KIRREL3: variants seen among roughly 807,000 people sequenced by gnomAD.
The protein encoded by KIRREL3 is kirre like nephrin family adhesion molecule 3, also known as kin of IRRE-like protein 3.
A neutral mutation model predicts 89.7 loss-of-function variants in KIRREL3; 36 were observed. That is an observed-to-expected ratio of 0.40 (90% CI 0.31 to 0.53). KIRREL3 has a LOEUF of 0.53. Ranked by LOEUF, KIRREL3 falls within the 20% of genes least tolerant of loss-of-function variation. The pLI, the probability that KIRREL3 is intolerant of heterozygous loss-of-function variation, is 0.49. For missense variants in KIRREL3, 864 were observed against 1,056.6 expected (o/e 0.82, Z 2.53); for synonymous variants, 445 against 441.4 (o/e 1.01, Z -0.10).
rs1365072717 is a variant in KIRREL3, at chr11:126,535,709, G to T, written c.134-9022C>A. Among the ~76,000 whole-genome samples, 1 of 152,242 alleles carries T rather than the reference G, an allele frequency of 6.6e-6. No homozygotes were observed. Among genetic ancestry groups the T allele is most frequent in the African/African-American group, 2.4e-5 (1 of 41,460 alleles). On this transcript the variant is annotated intron_variant, in intron 2 of 16. Transcript: ENST00000525144. The surrounding 1 kb of genome is among the most constrained non-coding windows in gnomAD (Gnocchi z 4.5). ...ACTTAAGATTTTGGTTGAGGGCTGGGCCCGGTGGCTCACGCCTGTAATCCC... is the reference window on the plus strand; with the variant it reads ...ACTTAAGATTTTGGTTGAGGGCTGGTCCCGGTGGCTCACGCCTGTAATCCC...
chr11:126,670,820 A>T (rs1490547319), intron 1 of KIRREL3, among the ~76,000 whole-genome samples: 4 of 152,222 alleles, frequency 2.6e-5, no homozygotes, highest in Non-Finnish European at 5.9e-5. Context: ...AGATACAACA[A>T]ACTTAATGTA....
chr11:126,711,106 C>T (rs763448774), intron 1 of KIRREL3, among the ~76,000 whole-genome samples: 2 of 152,166 alleles, frequency 1.3e-5, no homozygotes, highest in Admixed American at 6.5e-5. Context: ...TTCAGGTTAC[C>T]AACAGTGACT....
intron 7 of KIRREL3, among the ~76,000 whole-genome samples, chr11:126,453,969 C>A (rs1956261084): frequency 6.6e-6 from 1 of 152,130 alleles, no homozygotes; most frequent in South Asian, 2.1e-4. Flanking sequence ...GACCCACAGG[C>A]CACCTGTAGC....
intron 1 of KIRREL3, among the ~76,000 whole-genome samples, chr11:126,937,708 G>C (rs1410202265): frequency 3.9e-5 from 6 of 152,084 alleles, no homozygotes; most frequent in Non-Finnish European, 8.8e-5. Flanking sequence ...GACCATCCTG[G>C]CTAACACAGT....
chr11:126,916,301 G>T (rs917775818), intron 1 of KIRREL3, among the ~76,000 whole-genome samples: 2 of 152,152 alleles, frequency 1.3e-5, no homozygotes, highest in Non-Finnish European at 2.9e-5. Flanking sequence ...GTTGAGTTAG[G>T]CATATATCAG....
At chr11:126,442,274 A>AC (rs1327901645) in intron 10 of KIRREL3, among the ~76,000 whole-genome samples, 4 of 72,524 alleles carry the variant, frequency 5.5e-5, no homozygotes, top group Non-Finnish European at 9.2e-5. Flanking sequence ...AAAAAAAAAC[A>AC]AAAAAAAAAC....
At chr11:126,822,191 G>T (rs1297483614) in intron 1 of KIRREL3, among the ~76,000 whole-genome samples, 1 of 152,202 alleles carries the variant, frequency 6.6e-6, no homozygotes, top group Non-Finnish European at 1.5e-5. Flanking sequence ...CTATCTTATG[G>T]AATTGCCTAG....
In KIRREL3 at chr11:126,564,553, C is replaced by T. The variant is rs561625505; in HGVS notation, c.56-1641G>A. Among the ~76,000 whole-genome samples the T allele has an allele frequency of 8.5e-5, 13 of 152,220 alleles. No individual in the cohort carries two copies. Among genetic ancestry groups the T allele is most frequent in the Non-Finnish European group, 1.9e-4 (13 of 68,040 alleles). On this transcript the variant is annotated intron_variant, in intron 1 of 16. Coordinates refer to ENST00000525144, the MANE Select transcript of KIRREL3 (RefSeq NM_032531.4). The surrounding 1 kb of genome is among the most constrained non-coding windows in gnomAD (Gnocchi z 7.4). Reference sequence around the variant, plus strand: ...GCACTCACTTCTCTTCCTTCCCCTCCACACTGGCGTCTGAAGGCTTAGCCA... The same window carrying T: ...GCACTCACTTCTCTTCCTTCCCCTCTACACTGGCGTCTGAAGGCTTAGCCA...
chr11:126,819,371 C>T (rs746236332), intron 1 of KIRREL3, among the ~76,000 whole-genome samples: 4 of 152,212 alleles, frequency 2.6e-5, no homozygotes, highest in Non-Finnish European at 5.9e-5. Flanking sequence ...TACCTGACAT[C>T]ACTCTGCCCT....
At chr11:126,784,129 A>G (rs1950411017) in intron 1 of KIRREL3, among the ~76,000 whole-genome samples, 1 of 152,240 alleles carries the variant, frequency 6.6e-6, no homozygotes, top group African/African-American at 2.4e-5. Context: ...TTAAGGAGAC[A>G]AGACTGCTAA....
In KIRREL3 at chr11:126,562,845, T is replaced by C; in HGVS notation, c.123A>G (p.Arg41=). The change falls in exon 2 of 17, where the codon AGA becomes AGG. Residue 41 remains arginine, a synonymous_variant. Transcript: ENST00000525144. This position sits in a 1 kb window ranked among gnomAD's most constrained non-coding sequence, Gnocchi z 4.7. The part of the protein sequence containing the change: ...LGYMAKDKFR[R]MNEGQVYSFS... Reference sequence around the variant, plus strand: ...GAGGTTCTCACTGACCTTCATTCATTCTCCGAAACTTGTCCTTGGCCATGT... The same window carrying C: ...GAGGTTCTCACTGACCTTCATTCATCCTCCGAAACTTGTCCTTGGCCATGT... 6.2e-7 allele frequency: 1 copy of C among 1,613,762 alleles called. No homozygotes were observed.
At chr11:126,832,342 C>T (rs551773320) in intron 1 of KIRREL3, among the ~76,000 whole-genome samples, 11 of 152,150 alleles carry the variant, frequency 7.2e-5, no homozygotes, top group East Asian at 5.8e-4. Flanking sequence ...AATGATTACA[C>T]GCCAGGGAGA....
In KIRREL3 at chr11:126,783,249, T is replaced by G. The variant is rs1950382577; in HGVS notation, c.55+217206A>C. The stretch of plus-strand genomic sequence containing the variant: ...TGGCATTCCTTGGCTTGTAGATGTG[T>G]CCCTACAATCTCTGCCTCTGTGGTG... On this transcript the variant is annotated intron_variant, in intron 1 of 16. Coordinates refer to ENST00000525144, the MANE Select transcript of KIRREL3 (RefSeq NM_032531.4). This position sits in a 1 kb window ranked among gnomAD's most constrained non-coding sequence, Gnocchi z 4.3. 6.6e-6 allele frequency among the ~76,000 whole-genome samples: 1 copy of G among 152,194 alleles called. No homozygotes were observed. The highest frequency in any genetic ancestry group is 1.5e-5 in the Non-Finnish European group (1 of 68,034).
intron 1 of KIRREL3, among the ~76,000 whole-genome samples, chr11:126,573,918 G>A (rs891104633): frequency 9.9e-5 from 15 of 152,122 alleles, no homozygotes; most frequent in Non-Finnish European, 1.5e-5. Context: ...TGCAGGGGAA[G>A]TTTTGTCTGC....
At chr11:126,925,022 A>C (rs1418491203) in intron 1 of KIRREL3, among the ~76,000 whole-genome samples, 2 of 144,094 alleles carry the variant, frequency 1.4e-5, no homozygotes, top group African/African-American at 2.5e-5. Flanking sequence ...GGGCAAAGGG[A>C]AAAGGGGTGC....
Position 126,754,569 on chromosome 11 carries a change from C to T in KIRREL3, c.56-191657G>A, listed in dbSNP as rs1420922107. Among the ~76,000 whole-genome samples the T allele has an allele frequency of 4.6e-5, 7 of 152,000 alleles. No individual in the cohort carries two copies. Among genetic ancestry groups the T allele is most frequent in the Non-Finnish European group, 8.8e-5 (6 of 68,018 alleles). On this transcript the variant is annotated intron_variant, in intron 1 of 16. Coordinates refer to ENST00000525144, the MANE Select transcript of KIRREL3 (RefSeq NM_032531.4). This position sits in a 1 kb window ranked among gnomAD's most constrained non-coding sequence, Gnocchi z 5.1. ...GCTAGATACCGCTGAAGGGGATCGT[C>T]TGCGAAGAAAGAATAGAGATACGAG... is the stretch of plus-strand genomic sequence containing the variant.
chr11:126,451,491 T>C (rs1956158290), intron 7 of KIRREL3, among the ~76,000 whole-genome samples: 1 of 150,306 alleles, frequency 6.7e-6, no homozygotes, highest in Non-Finnish European at 1.5e-5. Flanking sequence ...TGTGCGCATG[T>C]GTGTGCATGT....
chr11:126,783,216 G>A lies in KIRREL3; in HGVS notation c.55+217239C>T, dbSNP rs1430382760. Among the ~76,000 whole-genome samples the A allele has an allele frequency of 1.3e-5, 2 of 152,070 alleles. No individual in the cohort carries two copies. The highest frequency in any genetic ancestry group is 2.1e-4 in the South Asian group (1 of 4,810). ...TTGTCCTGTTTTCTGGTGATTTTTG[G>A]TATTCCTTGGCATTCCTTGGCTTGT... On this transcript the variant is annotated intron_variant, in intron 1 of 16. Coordinates refer to ENST00000525144, the MANE Select transcript of KIRREL3 (RefSeq NM_032531.4). The surrounding 1 kb of genome is among the most constrained non-coding windows in gnomAD (Gnocchi z 4.3).
In KIRREL3 at chr11:126,528,713, G is replaced by C. The variant is rs546353304; in HGVS notation, c.134-2026C>G. Among the ~76,000 whole-genome samples the C allele has an allele frequency of 6.6e-6, 1 of 151,938 alleles. No individual in the cohort carries two copies. Among genetic ancestry groups the C allele is most frequent in the East Asian group, 1.9e-4 (1 of 5,164 alleles). On this transcript the variant is annotated intron_variant, in intron 2 of 16. Transcript: ENST00000525144. This position sits in a 1 kb window ranked among gnomAD's most constrained non-coding sequence, Gnocchi z 4.6. ...TCTGGCACCAAAACAGGGTAGAAAA[G>C]GAGGGAAGAGATGAGAGAGGAGAAG...
Sources: gnomAD v4.1 joint callset for allele counts (sites outside exome capture counted in the v4.1 genomes callset) on GRCh38, gnomAD v4.1.1 for gene constraint, Gnocchi (gnomAD v3.1) non-coding constraint, MANE v1.5 for transcripts, NCBI Gene and HGNC (gene_info 2026-07-23, HGNC 2026-07-21) for gene names.